The following DUSP9 variants were observed in gnomAD, a reference collection of about 807,000 sequenced individuals.
DUSP9 encodes the protein dual specificity protein phosphatase 9.
DUSP9 carries 4 observed loss-of-function variants against 13.2 expected under a neutral mutation model. The observed-to-expected ratio is 0.30, with a 90% CI of 0.15 to 0.69. The LOEUF (loss-of-function observed/expected upper bound fraction) is 0.69, where lower values mean the gene tolerates loss of function less well. DUSP9 is among the 30% of genes least tolerant of loss of function. The pLI is 0.73. For missense variants in DUSP9, 263 were observed against 355.0 expected, an observed-to-expected ratio of 0.74 and a Z score of 2.08; for synonymous variants, 166 against 172.3, an observed-to-expected ratio of 0.96 and a Z score of 0.29.
At position 153,648,060 on chromosome X, in the gene DUSP9, C is replaced by A; in HGVS notation, c.107C>A (p.Ala36Glu). The change falls in exon 2 of 4, where the codon GCG becomes GAG. Residue 36 changes from alanine (A) to glutamate (E), a missense_variant. Ala to Glu is a moderately radical substitution (Grantham distance 107). Coordinates refer to ENST00000342782, the MANE Select transcript of DUSP9 (RefSeq NM_001318503.2). ...CGCAGCCGCGAGCTGTACGAGTCGGCGCGCATCGGTGGGGCGCTGAGCGTG... is the reference window on the plus strand; with the variant it reads ...CGCAGCCGCGAGCTGTACGAGTCGGAGCGCATCGGTGGGGCGCTGAGCGTG... Reference protein sequence around the residue: ...DCRSRELYESARIGGALSVAL... With the variant: ...DCRSRELYESERIGGALSVAL... 1 of 1,067,963 alleles carries A rather than the reference C, an allele frequency of 9.4e-7. No homozygotes were observed. Among genetic ancestry groups the A allele is most frequent in the South Asian group, 2.5e-5 (1 of 40,804 alleles). The allele number at this position is 1,067,963 out of a possible 1,213,427, so 88.0% of individuals were successfully genotyped here. A position where few individuals can be genotyped will look rare whatever the true frequency, so the allele number is the denominator to read the frequency against.
In DUSP9 at chrX:153,648,204, G is replaced by A. The variant is rs1557035827; in HGVS notation, c.251G>A (p.Gly84Asp). The A allele has an allele frequency of 3.7e-6, 4 of 1,084,398 alleles. No homozygotes were observed. In the Admixed American group the frequency reaches 1.4e-4, roughly 38 times the overall value. The allele number at this position is 1,084,398 out of a possible 1,213,427, so 89.4% of individuals were successfully genotyped here. A position where few individuals can be genotyped will look rare whatever the true frequency, so the allele number is the denominator to read the frequency against. Residue 84 changes from glycine to aspartate, a missense_variant, in exon 2 of 4, where the codon GGC becomes GAC. By Grantham distance (94) the Gly-to-Asp change is moderately conservative. Coordinates refer to ENST00000342782, the MANE Select transcript of DUSP9 (RefSeq NM_001318503.2). ...PPAPVLLYDQGGGRRRRGEAE... is the reference protein window; with the variant it reads ...PPAPVLLYDQDGGRRRRGEAE... ...GCCCCCGTGCTCCTGTACGACCAGG[G>A]CGGGGGCCGGCGCCGGCGCGGGGAG...
upstream of DUSP9, among the ~76,000 whole-genome samples, chrX:153,644,415 C>A (rs1184809312): frequency 1.9e-5 from 2 of 107,324 alleles, no homozygotes; most frequent in African/African-American, 3.4e-5. Context: ...GCGGCCTCCC[C>A]CAGCACAGCG....
upstream of DUSP9, among the ~76,000 whole-genome samples, chrX:153,644,283 CGGGGGCGGGT>C (rs1198476975): frequency 7.7e-4 from 6 of 7,801 alleles, no homozygotes; most frequent in African/African-American, 2.7e-3. Context: ...GGGCGCCCGG[CGGGGGCGGGT>C]GCGGGGGCGG....
upstream of DUSP9, among the ~76,000 whole-genome samples, chrX:153,642,762 C>A (rs1038074207): frequency 9.2e-6 from 1 of 109,087 alleles, no homozygotes; most frequent in African/African-American, 3.4e-5. Context: ...GACACCCATT[C>A]GGTGCTGCTC....
chrX:153,644,280 C>CGGCGGGGGCGGGGGCGGGGGCGGG (rs781786533), upstream of DUSP9, among the ~76,000 whole-genome samples: 6 of 44,448 alleles, frequency 1.3e-4, 1 homozygote, highest in Non-Finnish European at 2.4e-4. Context: ...CCGGGGCGCC[C>CGGCGGGGGCGGGGGCGGGGGCGGG]GGCGGGGGCG....
intron 2 of DUSP9, 115 bp downstream of exon 2, chrX:153,648,441 G>T (rs972966081): frequency 1.9e-5 from 17 of 893,535 alleles, no homozygotes; most frequent in Non-Finnish European, 2.4e-5. Flanking sequence ...TGACCTGCCA[G>T]GCTGCTTTGA....
At chrX:153,643,645 G>A, upstream of DUSP9, 1 of 283,313 alleles carries the variant, frequency 3.5e-6, no homozygotes, top group Non-Finnish European at 6.9e-6. Flanking sequence ...CAGCTGCCCG[G>A]CAAGCACGTA....
chrX:153,643,395 C>T, upstream of DUSP9: 1 of 324,788 alleles, frequency 3.1e-6, no homozygotes, highest in South Asian at 2.8e-5. Context: ...CTGCCAGGCA[C>T]CTCTGGCTCC....
upstream of DUSP9, among the ~76,000 whole-genome samples, chrX:153,646,936 G>A (rs1426279502): frequency 2.7e-5 from 3 of 112,783 alleles, no homozygotes; most frequent in Non-Finnish European, 3.8e-5. Flanking sequence ...CTGGGCTCTG[G>A]TCCTCACCCC....
At chrX:153,643,404 C>A (rs1557035066), upstream of DUSP9, 2 of 323,889 alleles carry the variant, frequency 6.2e-6, no homozygotes, top group Non-Finnish European at 1.2e-5. Context: ...ACCTCTGGCT[C>A]CCCTTCGGCA....
chrX:153,643,411 G>A (rs1557035068), upstream of DUSP9: 16 of 326,918 alleles, frequency 4.9e-5, no homozygotes, highest in South Asian at 3.9e-4. Flanking sequence ...GCTCCCCTTC[G>A]GCAGAGGCTC....
rs145868934 is a variant in DUSP9 at position 153,649,527 on chromosome X, G to A, written c.669G>A (p.Glu223=). The change falls in exon 3 of 4, where the codon GAG becomes GAA. Residue 223 remains glutamate, a synonymous_variant. Transcript: ENST00000342782. ...LGSARDSANL[E]SLAKLGIRYI... ...GTGCCCGGGATTCCGCCAATTTGGA[G>A]AGCCTGGCCAAACTGGGCATCCGCT... The A allele has an allele frequency of 3.3e-6, 4 of 1,210,853 alleles. No individual in the cohort carries two copies. The African/African-American group carries it at 5.2e-5, about 16-fold the overall frequency.
chrX:153,647,923 C>G lies in DUSP9; in HGVS notation c.-31C>G. On this transcript the variant is annotated 5_prime_UTR_variant, in exon 2 of 4. Coordinates refer to ENST00000342782, the MANE Select transcript of DUSP9 (RefSeq NM_001318503.2). ...GCGCCTTCTCTCTCTTCGCAGCGCC[C>G]GTGGTCCAGCGTGTAGGGAGCCGAT... The G allele has an allele frequency of 1.1e-5, 11 of 1,006,790 alleles. No homozygotes were observed. The highest frequency in any genetic ancestry group is 1.4e-5 in the Non-Finnish European group (11 of 795,627). 83.0% of individuals were successfully genotyped at this position (1,006,790 alleles called of 1,213,427 possible).
At position 153,650,326 on chromosome X, in the gene DUSP9, G is replaced by A. The variant is rs782266921; in HGVS notation, c.*21G>A. 1.8e-5 allele frequency: 19 copies of A among 1,085,642 alleles called. No homozygotes were observed. The Admixed American group carries it at 4.0e-4, about 23-fold the overall frequency. The allele number at this position is 1,085,642 out of a possible 1,213,427, so 89.5% of individuals were successfully genotyped here. A position where few individuals can be genotyped will look rare whatever the true frequency, so the allele number is the denominator to read the frequency against. On this transcript the variant is annotated 3_prime_UTR_variant, in exon 4 of 4. Coordinates refer to ENST00000342782, the MANE Select transcript of DUSP9 (RefSeq NM_001318503.2). The stretch of plus-strand genomic sequence containing the variant: ...CCTAGGGCCCCGTGGCCGGCAGGCC[G>A]GCCCCTGCCCCACCCCCACCCACGG...
In DUSP9 at chrX:153,650,705, T is replaced by G; in HGVS notation, c.*400T>G. The G allele has an allele frequency of 9.7e-6, 1 of 102,881 alleles. No homozygotes were observed. Among genetic ancestry groups the G allele is most frequent in the Non-Finnish European group, 2.1e-5 (1 of 47,606 alleles). The allele number at this position is 102,881 out of a possible 1,213,427, so 8.5% of individuals were successfully genotyped here. ...GGGGAGAGGCGTTTGCCATCACTGG[T>G]GTTGTCACCTCCCTGTTTCTCCACC... On this transcript the variant is annotated 3_prime_UTR_variant, in exon 4 of 4. Transcript: ENST00000342782.
chrX:153,649,137 T>G (rs1177143469), intron 2 of DUSP9, 95 bp from the exon 3 acceptor site: 17 of 879,399 alleles, frequency 1.9e-5, no homozygotes, highest in Non-Finnish European at 2.7e-5. Flanking sequence ...TTGCAAACCC[T>G]CCAAGTTGTC....
Position 153,649,284 on chromosome X carries a change from T to C in DUSP9, c.426T>C (p.Leu142=), listed in dbSNP as rs781976488. 8 of 1,209,410 alleles carry C rather than the reference T, an allele frequency of 6.6e-6. No homozygotes were observed. Among genetic ancestry groups the C allele is most frequent in the Non-Finnish European group, 8.9e-6 (8 of 895,246 alleles). The change falls in exon 3 of 4, where the codon CTT becomes CTC. Residue 142 remains leucine, a synonymous_variant. Coordinates refer to ENST00000342782, the MANE Select transcript of DUSP9 (RefSeq NM_001318503.2). ...AECPHLCETS[L]AGRAGSSMAP... Reference sequence around the variant, plus strand: ...GCCCTCACCTGTGTGAGACCAGCCTTGCTGGCCGTGCCGGCTCCAGCATGG... The same window carrying C: ...GCCCTCACCTGTGTGAGACCAGCCTCGCTGGCCGTGCCGGCTCCAGCATGG...
In DUSP9 at chrX:153,649,377, T is replaced by A; in HGVS notation, c.519T>A (p.Asp173Glu). Residue 173 changes from aspartate to glutamate, a missense_variant, in exon 3 of 4, where the codon GAT (aspartate) becomes GAA (glutamate). Coordinates refer to ENST00000342782, the MANE Select transcript of DUSP9 (RefSeq NM_001318503.2). ...TGTGCCTGGGCTCCGACTGCTCTGA[T>A]GCGGAATCCGAGGCTGACCGCGACT... is the stretch of plus-strand genomic sequence containing the variant. The part of the protein sequence containing the change: ...GSLCLGSDCS[D>E]AESEADRDSM... The A allele has an allele frequency of 1.7e-6, 2 of 1,211,323 alleles. No individual in the cohort carries two copies. The highest frequency in any genetic ancestry group is 2.2e-6 in the Non-Finnish European group (2 of 895,551).
intron 2 of DUSP9, 84 bp from the exon 3 acceptor site, chrX:153,649,148 C>T (rs7883986): frequency 0.25 from 236,653 of 956,715 alleles, 23,050 homozygotes; most frequent in African/African-American, 0.32. Context: ...CCAAGTTGTC[C>T]AGGGTCATCT....
Sources: gnomAD v4.1 joint callset for allele counts (sites outside exome capture counted in the v4.1 genomes callset) on GRCh38, gnomAD v4.1.1 for gene constraint, MANE v1.5 for transcripts, NCBI Gene and HGNC (gene_info 2026-07-23, HGNC 2026-07-21) for gene names.